The following ZNF804A variants were observed in gnomAD, a reference collection of about 807,000 sequenced individuals.
ZNF804A encodes the protein zinc finger protein 804A.
ZNF804A carries 2 observed loss-of-function variants against 16.5 expected under a neutral mutation model. The observed-to-expected ratio is 0.12, with a 90% CI of 0.05 to 0.38. The LOEUF is 0.38. Ranked by LOEUF, ZNF804A falls within the 10% of genes least tolerant of loss-of-function variation. The pLI is 0.99. For missense variants in ZNF804A, 1,473 were observed against 1,390.7 expected, an observed-to-expected ratio of 1.06 and a Z score of -0.94; for synonymous variants, 534 against 489.6, an observed-to-expected ratio of 1.09 and a Z score of -1.20.
chr2:184,610,390 T>G lies in ZNF804A; in HGVS notation c.111+11320T>G, dbSNP rs146771932. On this transcript the variant is annotated intron_variant, in intron 1 of 3. Transcript: ENST00000302277. ...TAGAAAAAGTCTGAAACTCTGGGAG[T>G]TGCCAAAGACTTTTAGATTGGTTAT... 9.6e-3 allele frequency among the ~76,000 whole-genome samples: 1,467 copies of G among 152,084 alleles called. 26 individuals are homozygous for G. The highest frequency in any genetic ancestry group is 0.034 in the African/African-American group (1,398 of 41,488).
At chr2:184,790,102 C>A (rs1414959657) in intron 1 of ZNF804A, among the ~76,000 whole-genome samples, 1 of 152,022 alleles carries the variant, frequency 6.6e-6, no homozygotes, top group East Asian at 1.9e-4. Context: ...TAAGAAGCAA[C>A]ATGTTTATTT....
chr2:184,644,490 TA>T (rs1691842159), intron 1 of ZNF804A, among the ~76,000 whole-genome samples: 1 of 151,812 alleles, frequency 6.6e-6, no homozygotes, highest in Admixed American at 6.6e-5. Flanking sequence ...TATATAAAAT[TA>T]AAAAATCTGT....
chr2:184,620,069 A>G (rs1402739212), intron 1 of ZNF804A, among the ~76,000 whole-genome samples: 2 of 151,818 alleles, frequency 1.3e-5, no homozygotes, highest in Non-Finnish European at 3.0e-5. Context: ...CAGATTATGA[A>G]TAATATGATA....
chr2:184,908,617 T>C (rs995568564), intron 2 of ZNF804A, among the ~76,000 whole-genome samples: 3 of 152,128 alleles, frequency 2.0e-5, no homozygotes, highest in African/African-American at 7.2e-5. Flanking sequence ...TTATTCAATA[T>C]TAAGATTAGC....
chr2:184,866,692 TAA>T (rs1301517985), intron 2 of ZNF804A, among the ~76,000 whole-genome samples, 180 bp downstream of exon 2: 335 of 142,156 alleles, frequency 2.4e-3, no homozygotes, highest in Middle Eastern at 7.8e-3. Flanking sequence ...TTTTTTTTTT[TAA>T]AAAAAAAGGC....
chr2:184,762,080 G>T (rs933389999), intron 1 of ZNF804A, among the ~76,000 whole-genome samples: 3 of 151,888 alleles, frequency 2.0e-5, no homozygotes, highest in Non-Finnish European at 2.9e-5. Context: ...ATTCCATGAT[G>T]TCTCTCTCTC....
intron 2 of ZNF804A, among the ~76,000 whole-genome samples, chr2:184,875,495 G>A (rs1696040452): frequency 6.6e-6 from 1 of 152,046 alleles, no homozygotes; most frequent in Non-Finnish European, 1.5e-5. Context: ...GTGGAGGCAG[G>A]CTGAAGTCCT....
intron 1 of ZNF804A, among the ~76,000 whole-genome samples, chr2:184,625,712 C>T (rs914733665): frequency 1.3e-5 from 2 of 151,994 alleles, no homozygotes; most frequent in African/African-American, 4.8e-5. Flanking sequence ...TACTCTTTCA[C>T]TAACTTATTT....
chr2:184,679,111 A>G (rs1692490168), intron 1 of ZNF804A, among the ~76,000 whole-genome samples: 1 of 152,246 alleles, frequency 6.6e-6, no homozygotes, highest in African/African-American at 2.4e-5. Flanking sequence ...TTGGCAATTA[A>G]TGAATCCCAC....
In ZNF804A at chr2:184,714,980, C is replaced by T. The variant is rs116396583; in HGVS notation, c.111+115910C>T. ...TTGAAGGATGAGTCTTCAAAAAGGT[C>T]GGAGTTAGTAAAAGTTTCTCTCTGG... On this transcript the variant is annotated intron_variant, in intron 1 of 3. Coordinates refer to ENST00000302277, the MANE Select transcript of ZNF804A (RefSeq NM_194250.2). Among the ~76,000 whole-genome samples, 1,415 of 152,214 alleles carry T rather than the reference C, an allele frequency of 9.3e-3. 22 individuals are homozygous for T. Among genetic ancestry groups the T allele is most frequent in the African/African-American group, 0.033 (1,352 of 41,548 alleles).
chr2:184,931,862 A>C (rs571504049), intron 2 of ZNF804A, among the ~76,000 whole-genome samples: 5 of 152,326 alleles, frequency 3.3e-5, no homozygotes, highest in African/African-American at 1.2e-4. Context: ...TTGTGAATAC[A>C]TAAAACCAAA....
At chr2:184,751,506 A>G (rs145078188) in intron 1 of ZNF804A, among the ~76,000 whole-genome samples, 1,852 of 151,534 alleles carry the variant, frequency 0.012, 15 homozygotes, top group Non-Finnish European at 0.019. Context: ...GAAACTAAAA[A>G]TAGGCACGTG....
At chr2:184,693,982 T>G (rs1692777237) in intron 1 of ZNF804A, among the ~76,000 whole-genome samples, 1 of 146,580 alleles carries the variant, frequency 6.8e-6, no homozygotes. Context: ...CAGGCTGGAG[T>G]GCAGTGGCAT....
At chr2:184,649,056 A>C (rs929113312) in intron 1 of ZNF804A, among the ~76,000 whole-genome samples, 15 of 151,938 alleles carry the variant, frequency 9.9e-5, no homozygotes, top group African/African-American at 3.1e-4. Flanking sequence ...CAATAAGTTA[A>C]AAAAAAATCG....
intron 1 of ZNF804A, among the ~76,000 whole-genome samples, chr2:184,633,898 C>G (rs190666162): frequency 1.5e-3 from 226 of 152,168 alleles, no homozygotes; most frequent in African/African-American, 5.2e-3. Flanking sequence ...TAAAAATCTG[C>G]AAAAGTGAGA....
chr2:184,788,639 G>T (rs1275609824), intron 1 of ZNF804A, among the ~76,000 whole-genome samples: 2 of 151,954 alleles, frequency 1.3e-5, no homozygotes, highest in Admixed American at 6.6e-5. Flanking sequence ...TAGCATGAAT[G>T]TTATTGGTGT....
intron 1 of ZNF804A, among the ~76,000 whole-genome samples, chr2:184,650,548 T>C (rs1691965220): frequency 1.3e-5 from 2 of 152,204 alleles, no homozygotes; most frequent in South Asian, 2.1e-4. Flanking sequence ...TATAATTTTA[T>C]ACTCAAAAAG....
chr2:184,647,285 C>T (rs1323834728), intron 1 of ZNF804A, among the ~76,000 whole-genome samples: 4 of 152,134 alleles, frequency 2.6e-5, no homozygotes, highest in Non-Finnish European at 5.9e-5. Flanking sequence ...TTGTAATTGC[C>T]GTTATCTCCA....
chr2:184,854,404 C>A (rs1306256575), intron 1 of ZNF804A, among the ~76,000 whole-genome samples: 3 of 151,200 alleles, frequency 2.0e-5, no homozygotes, highest in Admixed American at 6.6e-5. Context: ...GATATGCATG[C>A]AGGCCAGATA....
Sources: gnomAD v4.1 joint callset for allele counts (sites outside exome capture counted in the v4.1 genomes callset) on GRCh38, gnomAD v4.1.1 for gene constraint, MANE v1.5 for transcripts, NCBI Gene and HGNC (gene_info 2026-07-23, HGNC 2026-07-21) for gene names.